The following FOXJ3 variants were observed in gnomAD, a reference collection of about 807,000 sequenced individuals.
FOXJ3 encodes the protein forkhead box J3.
FOXJ3 carries 22 observed loss-of-function variants against 76.1 expected under a neutral mutation model. The ratio of observed to expected loss-of-function variants is 0.29; its 90% CI spans 0.21 to 0.41. FOXJ3 has a LOEUF of 0.41. Ranked by LOEUF, FOXJ3 falls within the 10% of genes least tolerant of loss-of-function variation. The pLI, the probability that FOXJ3 is intolerant of heterozygous loss-of-function variation, is 1.00. For missense variants in FOXJ3, 613 were observed against 762.1 expected (o/e 0.80, Z 2.30); for synonymous variants, 269 against 261.2 (o/e 1.03, Z -0.29).
At chr1:42,243,457 A>G (rs910147657) in intron 4 of FOXJ3, among the ~76,000 whole-genome samples, 1 of 152,220 alleles carries the variant, frequency 6.6e-6, no homozygotes, top group African/African-American at 2.4e-5. Context: ...TTCCACTTAA[A>G]AGGTACAGAC....
In FOXJ3 at chr1:42,311,928, T is replaced by C. The variant is rs549737054; in HGVS notation, c.-17-818A>G. ...TCTATCAGCACTACTATGGAGCACA[T>C]GGGAGGGTATCAATATTTTCATTGG... On this transcript the variant is annotated intron_variant, in intron 1 of 12. Transcript: ENST00000361346. Among the ~76,000 whole-genome samples, 5 of 152,268 alleles carry C rather than the reference T, an allele frequency of 3.3e-5. No individual in the cohort carries two copies. In the South Asian group the frequency reaches 1.0e-3, roughly 32 times the overall value.
At chr1:42,231,972 C>T (rs1012917597) in intron 4 of FOXJ3, among the ~76,000 whole-genome samples, 11 of 152,118 alleles carry the variant, frequency 7.2e-5, no homozygotes, top group African/African-American at 1.4e-4. Context: ...CAACAGGCCC[C>T]GGTGTGTGAT....
intron 5 of FOXJ3, among the ~76,000 whole-genome samples, chr1:42,224,835 C>T (rs1343000948): frequency 6.6e-6 from 1 of 151,744 alleles, no homozygotes; most frequent in Non-Finnish European, 1.5e-5. Flanking sequence ...ATCTATAATC[C>T]CAGCACTTTG....
At chr1:42,262,246 C>T (rs1328816569) in intron 4 of FOXJ3, among the ~76,000 whole-genome samples, 1 of 152,056 alleles carries the variant, frequency 6.6e-6, no homozygotes, top group South Asian at 2.1e-4. Context: ...AGTACTTTTC[C>T]CTTTAAGTTA....
chr1:42,271,226 A>T (rs535620617), intron 3 of FOXJ3, among the ~76,000 whole-genome samples: 35 of 152,102 alleles, frequency 2.3e-4, no homozygotes, highest in Non-Finnish European at 4.4e-4. Context: ...TTTCTGTGTG[A>T]TCACATTATT....
At chr1:42,275,392 T>C (rs1036710373) in intron 3 of FOXJ3, among the ~76,000 whole-genome samples, 2 of 152,076 alleles carry the variant, frequency 1.3e-5, no homozygotes, top group East Asian at 1.9e-4. Flanking sequence ...TGTAAGAATA[T>C]GAATATAACA....
intron 3 of FOXJ3, among the ~76,000 whole-genome samples, chr1:42,266,501 A>G (rs971121238): frequency 6.6e-6 from 1 of 152,150 alleles, no homozygotes; most frequent in African/African-American, 2.4e-5. Flanking sequence ...GGCAGAGCAC[A>G]GGAAAAAGAG....
chr1:42,232,710 G>A (rs560652662), intron 4 of FOXJ3, among the ~76,000 whole-genome samples: 1 of 152,276 alleles, frequency 6.6e-6, no homozygotes, highest in East Asian at 1.9e-4. Flanking sequence ...TGTCAGATGA[G>A]TAGATTGCAA....
intron 7 of FOXJ3, among the ~76,000 whole-genome samples, chr1:42,195,285 T>G (rs1219342753): frequency 1.3e-5 from 2 of 152,172 alleles, no homozygotes; most frequent in Non-Finnish European, 2.9e-5. Flanking sequence ...ACCTCCATAC[T>G]TCACAGAAGG....
chr1:42,332,843 T>C (rs1018575909), intron 1 of FOXJ3, among the ~76,000 whole-genome samples: 44 of 152,344 alleles, frequency 2.9e-4, no homozygotes, highest in African/African-American at 8.7e-4. Flanking sequence ...CTTTGGAAAT[T>C]TGTATCTTTC....
chr1:42,234,221 A>T (rs1648393206), intron 4 of FOXJ3, among the ~76,000 whole-genome samples: 1 of 152,164 alleles, frequency 6.6e-6, no homozygotes, highest in Non-Finnish European at 1.5e-5. Context: ...TTTGTCACAT[A>T]GTTCTCATGC....
chr1:42,310,988 T>C (rs534579807), intron 2 of FOXJ3, 62 bp downstream of exon 2: 1 of 952,838 alleles, frequency 1.0e-6, no homozygotes, highest in South Asian at 1.5e-5. Flanking sequence ...TAATATGAGG[T>C]GACCAGTCTA....
At chr1:42,232,346 A>G (rs977674969) in intron 4 of FOXJ3, among the ~76,000 whole-genome samples, 5 of 148,692 alleles carry the variant, frequency 3.4e-5, no homozygotes, top group African/African-American at 1.3e-4. Context: ...TGGTATTTCT[A>G]GTTCTAGATC....
At chr1:42,316,538 A>G (rs962402514) in intron 1 of FOXJ3, among the ~76,000 whole-genome samples, 68 of 151,778 alleles carry the variant, frequency 4.5e-4, no homozygotes, top group African/African-American at 1.6e-3. Flanking sequence ...AATTTACAAA[A>G]AACTTACTAC....
At chr1:42,192,836 T>C (rs1237946348) in intron 8 of FOXJ3, among the ~76,000 whole-genome samples, 1 of 152,026 alleles carries the variant, frequency 6.6e-6, no homozygotes, top group Non-Finnish European at 1.5e-5. Context: ...ATTATTCTAT[T>C]TGTCATTAGT....
rs751238990 is a variant in FOXJ3 at position 42,265,078 on chromosome 1, C to G, written c.444+37G>C. 3.3e-6 allele frequency: 4 copies of G among 1,228,490 alleles called. No individual in the cohort carries two copies. The South Asian group carries it at 3.6e-5, about 11-fold the overall frequency. The allele number at this position is 1,228,490 out of a possible 1,614,324, so 76.1% of individuals were successfully genotyped here. A position where few individuals can be genotyped will look rare whatever the true frequency, so the allele number is the denominator to read the frequency against. ...TAATTCAAACATGACAAGTGACATA[C>G]TGAAGAATTCAACTGTTTTAAGAAG... On this transcript the variant is annotated intron_variant, in intron 4 of 12. Coordinates refer to ENST00000361346, the MANE Select transcript of FOXJ3 (RefSeq NM_014947.5).
intron 1 of FOXJ3, among the ~76,000 whole-genome samples, chr1:42,326,587 T>C (rs1655843710): frequency 6.6e-6 from 1 of 152,220 alleles, no homozygotes; most frequent in Admixed American, 6.5e-5. Context: ...TATAGATGTA[T>C]ACTTACATAA....
chr1:42,281,860 A>G (rs540790830), intron 2 of FOXJ3, among the ~76,000 whole-genome samples: 1 of 152,302 alleles, frequency 6.6e-6, no homozygotes, highest in Admixed American at 6.5e-5. Flanking sequence ...GGAGTTTGAG[A>G]CCAGTCTGAC....
intron 4 of FOXJ3, among the ~76,000 whole-genome samples, chr1:42,229,243 T>G (rs999574320): frequency 1.3e-5 from 2 of 152,204 alleles, no homozygotes; most frequent in African/African-American, 2.4e-5. Context: ...TTTTTACACA[T>G]TTAGACCATT....
Sources: allele counts gnomAD v4.1 joint callset (sites outside exome capture counted in the v4.1 genomes callset), GRCh38; gene constraint gnomAD v4.1.1; transcripts MANE v1.5; gene names NCBI Gene and HGNC (gene_info 2026-07-23, HGNC 2026-07-21).